Variants in ATP6V1C2 observed in about 807,000 individuals in gnomAD.
ATP6V1C2 encodes the protein V-type proton ATPase subunit C 2.
Under a neutral mutation model 56.8 loss-of-function variants are expected in ATP6V1C2, and 45 were observed. The ratio of observed to expected loss-of-function variants is 0.79; its 90% CI spans 0.62 to 1.02. The LOEUF is 1.02. Among genes scored for constraint, ATP6V1C2 ranks in the 50% least tolerant of loss-of-function variants. The pLI is 0.00. For synonymous variants in ATP6V1C2, 220 were observed against 201.3 expected, an observed-to-expected ratio of 1.09 and a Z score of -0.79; for missense variants, 463 against 519.7, an observed-to-expected ratio of 0.89 and a Z score of 1.06.
At position 10,780,039 on chromosome 2, in the gene ATP6V1C2, C is replaced by T. The variant is rs537846151; in HGVS notation, c.1061+1370C>T. 6.6e-6 allele frequency among the ~76,000 whole-genome samples: 1 copy of T among 152,286 alleles called. No homozygotes were observed. The highest frequency in any genetic ancestry group is 2.4e-5 in the African/African-American group (1 of 41,556). On this transcript the variant is annotated intron_variant, in intron 12 of 13. Transcript: ENST00000272238. This position sits in a 1 kb window ranked among gnomAD's most constrained non-coding sequence, Gnocchi z 4.1. ...TCTGTGTGACCTTCCGGACCCCTTCCCCGCCTGCACTGAGGAGCTCCTCAT... is the reference window on the plus strand; with the variant it reads ...TCTGTGTGACCTTCCGGACCCCTTCTCCGCCTGCACTGAGGAGCTCCTCAT...
At chr2:10,756,445 C>A (rs549545282) in intron 4 of ATP6V1C2, among the ~76,000 whole-genome samples, 1 of 151,244 alleles carries the variant, frequency 6.6e-6, no homozygotes, top group Non-Finnish European at 1.5e-5. Context: ...TATTGCCGGG[C>A]GCAGTGGCTC....
intron 3 of ATP6V1C2, among the ~76,000 whole-genome samples, chr2:10,742,199 C>T (rs1401340162): frequency 1.3e-5 from 2 of 152,144 alleles, no homozygotes; most frequent in Non-Finnish European, 2.9e-5. Context: ...CGTGAGTCAC[C>T]ACGCTGGCCT....
At position 10,777,700 on chromosome 2, in the gene ATP6V1C2, G is replaced by A. The variant is rs1665087209; in HGVS notation, c.941G>A (p.Arg314Lys). The change falls in exon 11 of 14, where the codon AGA becomes AAA. Residue 314 changes from arginine (R) to lysine (K), a missense_variant. Physicochemically the swap from Arg to Lys is conservative, Grantham distance 26. Transcript: ENST00000272238. ...RPAAGQTDRE[R>K]ESEGEGEGPL... ...GCTGCGGGGCAGACCGACAGAGAGA[G>A]AGAGAGTGAGGGCGAGGGTGAGGTA... 2 of 1,613,784 alleles carry A rather than the reference G, an allele frequency of 1.2e-6. No individual in the cohort carries two copies. Among genetic ancestry groups the A allele is most frequent in the East Asian group, 2.2e-5 (1 of 44,868 alleles).
At chr2:10,772,327 C>T (rs1281041411) in intron 7 of ATP6V1C2, among the ~76,000 whole-genome samples, 1 of 152,214 alleles carries the variant, frequency 6.6e-6, no homozygotes, top group East Asian at 1.9e-4. Context: ...GTATCCATAG[C>T]TCTTCACAAA....
chr2:10,722,216 A>C (rs1661406094), intron 1 of ATP6V1C2, among the ~76,000 whole-genome samples: 1 of 152,152 alleles, frequency 6.6e-6, no homozygotes, highest in Admixed American at 6.5e-5. Flanking sequence ...ACCACCGGCC[A>C]CGCCGGGCAA....
chr2:10,748,536 A>G (rs1253302830), intron 3 of ATP6V1C2, among the ~76,000 whole-genome samples: 2 of 152,190 alleles, frequency 1.3e-5, no homozygotes, highest in Non-Finnish European at 2.9e-5. Context: ...AGTGTAACCA[A>G]CATCCCAATC....
At chr2:10,758,930 G>A (rs1357431862) in intron 4 of ATP6V1C2, among the ~76,000 whole-genome samples, 3 of 152,204 alleles carry the variant, frequency 2.0e-5, no homozygotes, top group Non-Finnish European at 2.9e-5. Flanking sequence ...GTCTCCCAAA[G>A]TGCTGGGATT....
chr2:10,727,389 GAA>G (rs34111959), intron 3 of ATP6V1C2, among the ~76,000 whole-genome samples: 5,741 of 116,510 alleles, frequency 0.049, 388 homozygotes, highest in African/African-American at 0.16. Flanking sequence ...TTGTTTCTAA[GAA>G]AAAAAAAAAA....
chr2:10,730,362 AG>A (rs1661882381), intron 3 of ATP6V1C2, among the ~76,000 whole-genome samples: 1 of 152,060 alleles, frequency 6.6e-6, no homozygotes, highest in South Asian at 2.1e-4. Flanking sequence ...GTGATCTTCC[AG>A]CTTCAGCCTC....
chr2:10,737,585 C>T (rs1020672910), intron 3 of ATP6V1C2, among the ~76,000 whole-genome samples: 3 of 152,046 alleles, frequency 2.0e-5, no homozygotes, highest in Admixed American at 6.6e-5. Flanking sequence ...CATTGATAAA[C>T]GTCTATTGGA....
chr2:10,727,386 T>C (rs1423727041), intron 3 of ATP6V1C2, among the ~76,000 whole-genome samples: 7 of 133,590 alleles, frequency 5.2e-5, no homozygotes. Flanking sequence ...ACCTTGTTTC[T>C]AAGAAAAAAA....
chr2:10,746,580 T>C (rs942199680), intron 3 of ATP6V1C2, among the ~76,000 whole-genome samples: 1 of 151,862 alleles, frequency 6.6e-6, no homozygotes, highest in Admixed American at 6.6e-5. Flanking sequence ...GCCAGGCTAG[T>C]TTCTGTATTT....
chr2:10,765,055 G>A (rs941017502), intron 5 of ATP6V1C2, among the ~76,000 whole-genome samples: 6 of 152,160 alleles, frequency 3.9e-5, no homozygotes, highest in African/African-American at 1.4e-4. Context: ...CTAGCCCCCA[G>A]GGGATTGTTC....
chr2:10,777,522 ATGAT>A, intron 10 of ATP6V1C2, 59 bp from the exon 11 acceptor site: 1 of 1,580,248 alleles, frequency 6.3e-7, no homozygotes, highest in Non-Finnish European at 8.6e-7. Flanking sequence ...GGCGATGAGA[ATGAT>A]TTATTTGTTT....
At chr2:10,755,415 C>T (rs942670053) in intron 4 of ATP6V1C2, among the ~76,000 whole-genome samples, 2 of 152,182 alleles carry the variant, frequency 1.3e-5, no homozygotes, top group African/African-American at 2.4e-5. Context: ...CTCCTGGGCT[C>T]AAGCGATCCT....
Position 10,780,553 on chromosome 2 carries a change from TTGGAGGGTGTACCCA to T in ATP6V1C2, c.1062-1689_1062-1675del, listed in dbSNP as rs1665284042. Among the ~76,000 whole-genome samples the T allele has an allele frequency of 6.6e-6, 1 of 152,148 alleles. No individual in the cohort carries two copies. The highest frequency in any genetic ancestry group is 1.5e-5 in the Non-Finnish European group (1 of 68,016). On this transcript the variant is annotated intron_variant, in intron 12 of 13. Transcript: ENST00000272238. The surrounding 1 kb of genome is among the most constrained non-coding windows in gnomAD (Gnocchi z 4.1). ...TACCGACACGGATGGCAGCATTGGG[TTGGAGGGTGTACCCA>T]GCTCCTGGGAGTGTTCTAGCCATCT... is the stretch of plus-strand genomic sequence containing the variant.
intron 3 of ATP6V1C2, among the ~76,000 whole-genome samples, chr2:10,749,886 A>G (rs950525809): frequency 6.6e-6 from 1 of 152,244 alleles, no homozygotes; most frequent in Non-Finnish European, 1.5e-5. Context: ...AGAATTTGTT[A>G]TGATACAGCT....
intron 4 of ATP6V1C2, among the ~76,000 whole-genome samples, chr2:10,762,145 AT>A (rs569224455): frequency 0.014 from 1,972 of 139,664 alleles, 31 homozygotes; most frequent in African/African-American, 0.036. Flanking sequence ...TGAAGCATAA[AT>A]TTTTTTTTTT....
At chr2:10,733,008 G>A (rs1234708664) in intron 3 of ATP6V1C2, among the ~76,000 whole-genome samples, 1 of 151,918 alleles carries the variant, frequency 6.6e-6, no homozygotes, top group Non-Finnish European at 1.5e-5. Context: ...GCGTGAACAG[G>A]CAAGACTGTG....
Sources: gnomAD v4.1 joint callset for allele counts (sites outside exome capture counted in the v4.1 genomes callset) on GRCh38, gnomAD v4.1.1 for gene constraint, Gnocchi (gnomAD v3.1) non-coding constraint, MANE v1.5 for transcripts, NCBI Gene and HGNC (gene_info 2026-07-23, HGNC 2026-07-21) for gene names.